SDK2: variants seen among roughly 807,000 people sequenced by gnomAD.
SDK2 encodes the protein sidekick cell adhesion molecule 2, also known as protein sidekick-2.
SDK2 carries 105 observed loss-of-function variants against 253.9 expected under a neutral mutation model. The ratio of observed to expected loss-of-function variants is 0.41; its 90% CI spans 0.35 to 0.49. SDK2 has a LOEUF of 0.49. SDK2 is among the 20% of genes least tolerant of loss of function. SDK2 has a pLI of 0.06. For missense variants in SDK2, 2,608 were observed against 3,003.0 expected (o/e 0.87, Z 3.07); for synonymous variants, 1,249 against 1,234.9 (o/e 1.01, Z -0.24).
Position 73,535,363 on chromosome 17 carries a change from C to T in SDK2, c.65-27766G>A, listed in dbSNP as rs190044751. On this transcript the variant is annotated intron_variant, in intron 1 of 44. Transcript: ENST00000392650. Reference sequence around the variant, plus strand: ...GGATCTCCACCCTCCCTCCTGGTGTCGCTGACAGGAAAAATGACATGATGC... The same window carrying T: ...GGATCTCCACCCTCCCTCCTGGTGTTGCTGACAGGAAAAATGACATGATGC... Among the ~76,000 whole-genome samples, 241 of 152,242 alleles carry T rather than the reference C, an allele frequency of 1.6e-3. 1 individual carries two copies. Among genetic ancestry groups the T allele is most frequent in the Non-Finnish European group, 2.7e-3 (183 of 68,020 alleles).
At chr17:73,471,449 A>AT (rs1567792204) in intron 3 of SDK2, among the ~76,000 whole-genome samples, 2 of 152,108 alleles carry the variant, frequency 1.3e-5, no homozygotes, top group Non-Finnish European at 2.9e-5. Flanking sequence ...AATACAAAAA[A>AT]TTAGCTGGGT....
At chr17:73,507,404 C>T in intron 2 of SDK2, 34 bp downstream of exon 2, 1 of 1,538,648 alleles carries the variant, frequency 6.5e-7, no homozygotes, top group Non-Finnish European at 8.8e-7. Flanking sequence ...GTGGTCCTGG[C>T]AGCCAGGAGG....
rs2063979070 is a variant in SDK2, at chr17:73,511,359, C to T, written c.65-3762G>A. On this transcript the variant is annotated intron_variant, in intron 1 of 44. Transcript: ENST00000392650. The surrounding 1 kb of genome is among the most constrained non-coding windows in gnomAD (Gnocchi z 4.9). ...GTGTGAGCACACACACACGCGCGAG[C>T]ACGCACACGCTCTGCGCCCAGACGC... 6.6e-6 allele frequency among the ~76,000 whole-genome samples: 1 copy of T among 152,228 alleles called. No homozygotes were observed. The highest frequency in any genetic ancestry group is 2.4e-5 in the African/African-American group (1 of 41,472).
chr17:73,490,521 G>GTGTTTT (rs1323616624), intron 2 of SDK2, among the ~76,000 whole-genome samples: 1 of 132,910 alleles, frequency 7.5e-6, no homozygotes, highest in Non-Finnish European at 1.6e-5. Flanking sequence ...GGGCCAGGCA[G>GTGTTTT]TGTTTTTTTT....
chr17:73,435,662 G>T lies in SDK2; in HGVS notation c.1001-18C>A, dbSNP rs1287182022. On this transcript the variant is annotated intron_variant, in intron 8 of 44. Coordinates refer to ENST00000392650, the MANE Select transcript of SDK2 (RefSeq NM_001144952.2). This position sits in a 1 kb window ranked among gnomAD's most constrained non-coding sequence, Gnocchi z 5.7. Reference sequence around the variant, plus strand: ...CGGCACACCTGTGGGCAAGACGTGGGCCCACCGTCAACCTGCCTCCTGCCT... The same window carrying T: ...CGGCACACCTGTGGGCAAGACGTGGTCCCACCGTCAACCTGCCTCCTGCCT... 6.5e-7 allele frequency: 1 copy of T among 1,531,062 alleles called. No individual in the cohort carries two copies. Among genetic ancestry groups the T allele is most frequent in the East Asian group, 2.5e-5 (1 of 40,694 alleles). 94.8% of individuals were successfully genotyped at this position (1,531,062 alleles called of 1,614,324 possible).
intron 3 of SDK2, among the ~76,000 whole-genome samples, chr17:73,464,504 C>T (rs912580301): frequency 6.6e-6 from 1 of 152,224 alleles, no homozygotes; most frequent in Non-Finnish European, 1.5e-5. Context: ...AGCTTGAAAA[C>T]AGGCTAATAC....
intron 1 of SDK2, among the ~76,000 whole-genome samples, chr17:73,564,532 G>A (rs749348123): frequency 2.0e-5 from 3 of 152,116 alleles, no homozygotes; most frequent in African/African-American, 4.8e-5. Flanking sequence ...ACATTAAAAC[G>A]AAACAGCTGG....
At chr17:73,500,048 G>A (rs1026467309) in intron 2 of SDK2, among the ~76,000 whole-genome samples, 1 of 152,026 alleles carries the variant, frequency 6.6e-6, no homozygotes, top group African/African-American at 2.4e-5. Context: ...ACCCAAGGAT[G>A]AGTGGCAGGG....
intron 1 of SDK2, among the ~76,000 whole-genome samples, chr17:73,599,999 A>T (rs1326569934): frequency 6.6e-6 from 1 of 152,244 alleles, no homozygotes; most frequent in African/African-American, 2.4e-5. Flanking sequence ...TTTAAAAGTG[A>T]TACTGAACCC....
intron 1 of SDK2, among the ~76,000 whole-genome samples, chr17:73,522,664 T>A (rs2145788617): frequency 6.6e-6 from 1 of 152,292 alleles, no homozygotes; most frequent in East Asian, 1.9e-4. Context: ...CCCTTGCTTC[T>A]CTCGCTCAAT....
At position 73,609,233 on chromosome 17, in the gene SDK2, G is replaced by A. The variant is rs535240426; in HGVS notation, c.64+34792C>T. ...GGAGTGTGAGAGATGGGTCTGGGCT[G>A]GAGGGAATACACATGGGTATCGCAG... On this transcript the variant is annotated intron_variant, in intron 1 of 44. Coordinates refer to ENST00000392650, the MANE Select transcript of SDK2 (RefSeq NM_001144952.2). This position sits in a 1 kb window ranked among gnomAD's most constrained non-coding sequence, Gnocchi z 4.4. Among the ~76,000 whole-genome samples, 1 of 152,266 alleles carries A rather than the reference G, an allele frequency of 6.6e-6. No homozygotes were observed. Among genetic ancestry groups the A allele is most frequent in the Admixed American group, 6.5e-5 (1 of 15,298 alleles).
At chr17:73,459,105 A>T (rs2063548087) in intron 3 of SDK2, among the ~76,000 whole-genome samples, 1 of 152,046 alleles carries the variant, frequency 6.6e-6, no homozygotes, top group South Asian at 2.1e-4. Context: ...CCTTTGGTGG[A>T]GCTTCCCTTC....
intron 21 of SDK2, among the ~76,000 whole-genome samples, chr17:73,400,342 C>A (rs112690758): frequency 6.6e-6 from 1 of 152,200 alleles, no homozygotes; most frequent in African/African-American, 2.4e-5. Flanking sequence ...CCCTTCCACA[C>A]GCTGGAATCC....
chr17:73,342,618 C>T (rs1209316132), intron 44 of SDK2, among the ~76,000 whole-genome samples: 1 of 152,184 alleles, frequency 6.6e-6, no homozygotes, highest in African/African-American at 2.4e-5. Context: ...GCATCAGCTC[C>T]AGGGGTTCTA....
chr17:73,446,383 T>C (rs571496312), intron 5 of SDK2, among the ~76,000 whole-genome samples: 27 of 152,150 alleles, frequency 1.8e-4, no homozygotes, highest in Non-Finnish European at 3.7e-4. Flanking sequence ...TCTCCAGATA[T>C]ACTTGTGACG....
chr17:73,394,154 G>T, intron 26 of SDK2, 55 bp downstream of exon 26: 2 of 1,096,242 alleles, frequency 1.8e-6, no homozygotes, highest in Non-Finnish European at 2.5e-6. Context: ...CCCTTGGATG[G>T]AGAGGCTGGA....
chr17:73,595,333 G>C (rs1009761244), intron 1 of SDK2, among the ~76,000 whole-genome samples: 1 of 152,146 alleles, frequency 6.6e-6, no homozygotes, highest in African/African-American at 2.4e-5. Flanking sequence ...AATGAATGCC[G>C]TTTGTGGTGA....
intron 26 of SDK2, among the ~76,000 whole-genome samples, 197 bp downstream of exon 26, chr17:73,394,012 G>A (rs1266074543): frequency 6.6e-6 from 1 of 152,214 alleles, no homozygotes; most frequent in Non-Finnish European, 1.5e-5. Context: ...TAGGCCCTGG[G>A]TCCTTTCTGG....
At chr17:73,413,170 T>A (rs1056217847) in intron 18 of SDK2, among the ~76,000 whole-genome samples, 1 of 151,810 alleles carries the variant, frequency 6.6e-6, no homozygotes, top group East Asian at 1.9e-4. Flanking sequence ...AAACTCCACC[T>A]CCCATCAGTG....
Sources: gnomAD v4.1 joint callset for allele counts (sites outside exome capture counted in the v4.1 genomes callset) on GRCh38, gnomAD v4.1.1 for gene constraint, Gnocchi (gnomAD v3.1) non-coding constraint, MANE v1.5 for transcripts, NCBI Gene and HGNC (gene_info 2026-07-23, HGNC 2026-07-21) for gene names.